The following HMGXB4 variants were observed in gnomAD, a reference collection of about 807,000 sequenced individuals.
HMGXB4 encodes HMG-box containing 4, also known as HMG domain-containing protein 4.
HMGXB4 carries 27 observed loss-of-function variants against 63.9 expected under a neutral mutation model. The observed-to-expected ratio is 0.42, with a 90% CI of 0.31 to 0.58. The LOEUF (loss-of-function observed/expected upper bound fraction) is 0.58. Ranked by LOEUF, HMGXB4 falls within the 20% of genes least tolerant of loss-of-function variation. The pLI, the probability that HMGXB4 is intolerant of heterozygous loss-of-function variation, is 0.13. For synonymous variants in HMGXB4, 264 were observed against 265.3 expected (o/e 0.99, Z 0.05); for missense variants, 624 against 700.7 (o/e 0.89, Z 1.24).
the HMGXB4 span, among the ~76,000 whole-genome samples, chr22:35,251,354 C>T: frequency 2.6e-5 from 4 of 152,164 alleles, no homozygotes; most frequent in Non-Finnish European, 5.9e-5. Flanking sequence ...GGATTACAGG[C>T]ATAAGCCACC....
rs1172204802 is a variant in HMGXB4 at position 35,264,979 on chromosome 22, A to G, written c.591A>G (p.Ser197=). The part of the protein sequence containing the change: ...PDGLKMKLIL[S]PKEKGSSSVD... ...GTTTAAAAATGAAACTTATTCTGTCACCAAAGGAGAAGGGAAGCAGCTCTG... is the reference window on the plus strand; with the variant it reads ...GTTTAAAAATGAAACTTATTCTGTCGCCAAAGGAGAAGGGAAGCAGCTCTG... Residue 197 remains serine (S), a synonymous_variant, in exon 5 of 11, where the codon TCA becomes TCG. Coordinates refer to ENST00000216106, the MANE Select transcript of HMGXB4 (RefSeq NM_001003681.3). 8 of 1,614,112 alleles carry G rather than the reference A, an allele frequency of 5.0e-6. No homozygotes were observed. In the African/African-American group the frequency reaches 5.3e-5, roughly 11 times the overall value.
At chr22:35,290,462 G>A (rs1033873473) in intron 9 of HMGXB4, among the ~76,000 whole-genome samples, 10 of 151,860 alleles carry the variant, frequency 6.6e-5, no homozygotes, top group African/African-American at 2.4e-4. Context: ...TGGCAAACGT[G>A]GTGAAACCCC....
chr22:35,260,855 T>C (rs957246051), intron 1 of HMGXB4, among the ~76,000 whole-genome samples: 2 of 152,278 alleles, frequency 1.3e-5, no homozygotes, highest in East Asian at 1.9e-4. Context: ...GTAACTCTTA[T>C]GAAAGTCTCC....
chr22:35,288,475 C>G, intron 9 of HMGXB4, 68 bp downstream of exon 9: 4 of 1,292,848 alleles, frequency 3.1e-6, no homozygotes, highest in Non-Finnish European at 4.2e-6. Context: ...TTGATTCATT[C>G]ACTCATTTTA....
chr22:35,293,496 GTTT>G, intron 10 of HMGXB4, 108 bp from the exon 11 acceptor site: 1 of 753,062 alleles, frequency 1.3e-6, no homozygotes, highest in East Asian at 2.6e-5. Flanking sequence ...ATTCTCACCT[GTTT>G]TTCTAACTCC....
intron 1 of HMGXB4, 69 bp downstream of exon 1, chr22:35,257,626 C>G (rs1922509327): frequency 6.6e-6 from 1 of 152,530 alleles, no homozygotes; most frequent in Admixed American, 6.5e-5. Flanking sequence ...AGCCCCGCCC[C>G]GTCGCCACCC....
the HMGXB4 span, among the ~76,000 whole-genome samples, chr22:35,242,173 C>T: frequency 6.6e-6 from 1 of 152,108 alleles, no homozygotes; most frequent in Admixed American, 6.5e-5. Context: ...GCAAAATCAT[C>T]TGGGCATGGA....
the HMGXB4 span, among the ~76,000 whole-genome samples, chr22:35,245,185 T>G: frequency 6.6e-6 from 1 of 152,150 alleles, no homozygotes; most frequent in Non-Finnish European, 1.5e-5. Flanking sequence ...ATTGGTTATT[T>G]TCTAATATTC....
At chr22:35,286,089 T>C in intron 7 of HMGXB4, 28 bp downstream of exon 7, 1 of 1,512,036 alleles carries the variant, frequency 6.6e-7, no homozygotes, top group South Asian at 1.2e-5. Context: ...CAAACATATT[T>C]TTCAGTGCTT....
chr22:35,288,470 T>C, intron 9 of HMGXB4, 63 bp downstream of exon 9: 2 of 1,312,944 alleles, frequency 1.5e-6, no homozygotes, highest in Non-Finnish European at 2.0e-6. Context: ...TAATTTTGAT[T>C]CATTCACTCA....
rs35984118 is a variant in HMGXB4, at chr22:35,278,877, CAAAAAAA to C, written c.1216-5071_1216-5065del. Among the ~76,000 whole-genome samples the C allele has an allele frequency of 6.5e-5, 7 of 108,420 alleles. No homozygotes were observed. The East Asian group carries it at 7.8e-4, about 12-fold the overall frequency. The allele number at this position is 108,420 out of a possible 152,430, so 71.1% of individuals were successfully genotyped here. On this transcript the variant is annotated intron_variant, in intron 5 of 10. Coordinates refer to ENST00000216106, the MANE Select transcript of HMGXB4 (RefSeq NM_001003681.3). ...GCAGCATAGCAAGACTGCATCTCTA[CAAAAAAA>C]AAAAAAAAAAAAATTAGCCAGGCAT... is the stretch of plus-strand genomic sequence containing the variant.
At chr22:35,276,462 A>G (rs554352096) in intron 5 of HMGXB4, among the ~76,000 whole-genome samples, 167 of 152,338 alleles carry the variant, frequency 1.1e-3, no homozygotes, top group African/African-American at 3.8e-3. Flanking sequence ...AGAGATTTAT[A>G]TCTCCTGTCC....
the HMGXB4 span, among the ~76,000 whole-genome samples, chr22:35,247,085 T>C: frequency 1.3e-5 from 2 of 152,256 alleles, no homozygotes; most frequent in African/African-American, 4.8e-5. Flanking sequence ...CTGCTTTTTT[T>C]CCATGCCTGG....
Position 35,295,404 on chromosome 22 carries a change from A to T in HMGXB4, c.*1753A>T, listed in dbSNP as rs1375953688. 2.6e-5 allele frequency: 4 copies of T among 152,652 alleles called. No individual in the cohort carries two copies. The highest frequency in any genetic ancestry group is 5.9e-5 in the Non-Finnish European group (4 of 68,044). 9.5% of individuals were successfully genotyped at this position (152,652 alleles called of 1,614,324 possible). ...ATTTCATGTGTTAGAACATTGTACCATGCCTCTTCTGTATCTGTGGAAGTT... is the reference window on the plus strand; with the variant it reads ...ATTTCATGTGTTAGAACATTGTACCTTGCCTCTTCTGTATCTGTGGAAGTT... On this transcript the variant is annotated 3_prime_UTR_variant, in exon 11 of 11. Coordinates refer to ENST00000216106, the MANE Select transcript of HMGXB4 (RefSeq NM_001003681.3).
Position 35,271,409 on chromosome 22 carries a change from GAGA to G in HMGXB4, c.1215+5809_1215+5811del, listed in dbSNP as rs149126970. On this transcript the variant is annotated intron_variant, in intron 5 of 10. Transcript: ENST00000216106. ...TAGGACCAGGACTCTAATAAAAATA[GAGA>G]AGGTGAGAAGAATAGCTGGTTTGGG... Among the ~76,000 whole-genome samples the G allele has an allele frequency of 1.3e-3, 198 of 152,304 alleles. 2 individuals carry two copies. In the East Asian group the frequency reaches 0.033, roughly 26 times the overall value.
At chr22:35,249,376 T>TA in the HMGXB4 span, among the ~76,000 whole-genome samples, 2 of 99,872 alleles carry the variant, frequency 2.0e-5, 1 homozygote, top group Non-Finnish European at 5.6e-5. Context: ...TTTCTTTCTT[T>TA]AATAATAAAT....
At chr22:35,274,637 C>T (rs1270969366) in intron 5 of HMGXB4, among the ~76,000 whole-genome samples, 1 of 152,120 alleles carries the variant, frequency 6.6e-6, no homozygotes, top group Non-Finnish European at 1.5e-5. Flanking sequence ...CTGTTCATGG[C>T]GGAACAGGAA....
At chr22:35,284,387 ATTG>A (rs1466850253) in intron 6 of HMGXB4, among the ~76,000 whole-genome samples, 4 of 152,248 alleles carry the variant, frequency 2.6e-5, no homozygotes, top group African/African-American at 9.6e-5. Context: ...CTTGTATTAT[ATTG>A]TTGTAAAGAT....
chr22:35,251,317 C>T, the HMGXB4 span, among the ~76,000 whole-genome samples: 1 of 152,124 alleles, frequency 6.6e-6, no homozygotes, highest in South Asian at 2.1e-4. Context: ...CCTCGTGATC[C>T]ACCTGCCTCA....
Sources: allele counts gnomAD v4.1 joint callset (sites outside exome capture counted in the v4.1 genomes callset), GRCh38; gene constraint gnomAD v4.1.1; transcripts MANE v1.5; gene names NCBI Gene and HGNC (gene_info 2026-07-23, HGNC 2026-07-21).